Variants in OTUB2 observed in about 807,000 individuals in gnomAD.
The protein encoded by OTUB2 is OTU deubiquitinase, ubiquitin aldehyde binding 2.
Under a neutral mutation model 25.1 loss-of-function variants are expected in OTUB2, and 21 were observed. The ratio of observed to expected loss-of-function variants is 0.84; its 90% CI spans 0.59 to 1.21. The LOEUF (loss-of-function observed/expected upper bound fraction) is 1.21. OTUB2 is among the 50% of genes most tolerant of loss of function. OTUB2 has a pLI of 0.00. For synonymous variants in OTUB2, 122 were observed against 122.8 expected (o/e 0.99, Z 0.04); for missense variants, 283 against 298.0 (o/e 0.95, Z 0.37).
rs1460794684 is a variant in OTUB2 at position 94,046,336 on chromosome 14, TA to T, written c.*416del. 1 of 252,136 alleles carries T rather than the reference TA, an allele frequency of 4.0e-6. No homozygotes were observed. The highest frequency in any genetic ancestry group is 7.8e-6 in the Non-Finnish European group (1 of 128,574). 15.6% of individuals were successfully genotyped at this position (252,136 alleles called of 1,614,324 possible). A position where few individuals can be genotyped will look rare whatever the true frequency, so the allele number is the denominator to read the frequency against. ...AGGAAAAGCTCAAGGTTAGCTGTCT[TA>T]ACCCAAGTGACTTACCAGGCCTACA... On this transcript the variant is annotated 3_prime_UTR_variant, in exon 6 of 6. Transcript: ENST00000203664.
intron 3 of OTUB2, among the ~76,000 whole-genome samples, chr14:94,042,498 A>AG (rs201194492): frequency 0.034 from 1,621 of 48,314 alleles, 25 homozygotes; most frequent in African/African-American, 0.11. Flanking sequence ...TGGGGGTGGG[A>AG]GGGGGGGCAG....
chr14:94,038,681 C>T (rs1282916690), intron 2 of OTUB2, among the ~76,000 whole-genome samples: 1 of 152,194 alleles, frequency 6.6e-6, no homozygotes, highest in African/African-American at 2.4e-5. Flanking sequence ...CCCCGTGGCA[C>T]CCAGCCAGGC....
chr14:94,027,198 C>A (rs1186112792), intron 1 of OTUB2, among the ~76,000 whole-genome samples: 1 of 152,254 alleles, frequency 6.6e-6, no homozygotes. Context: ...GCCAGGCTAA[C>A]CCTGGGCTTG....
chr14:94,041,625 C>A (rs1448426282), intron 3 of OTUB2, among the ~76,000 whole-genome samples: 1 of 152,120 alleles, frequency 6.6e-6, no homozygotes, highest in East Asian at 1.9e-4. Flanking sequence ...CCTCTAGGAG[C>A]AGTGGAAACC....
At chr14:94,037,662 A>C (rs144569264) in intron 2 of OTUB2, among the ~76,000 whole-genome samples, 187 bp downstream of exon 2, 1 of 140,322 alleles carries the variant, frequency 7.1e-6, no homozygotes, top group Non-Finnish European at 1.6e-5. Flanking sequence ...AAAAAAAAAA[A>C]GGATTTTTTT....
Position 94,048,849 on chromosome 14 carries a change from C to T in OTUB2, c.*2927C>T, listed in dbSNP as rs913888664. 1.3e-5 allele frequency: 2 copies of T among 152,238 alleles called. No individual in the cohort carries two copies. Among genetic ancestry groups the T allele is most frequent in the Non-Finnish European group, 2.9e-5 (2 of 68,070 alleles). The allele number at this position is 152,238 out of a possible 1,614,324, so 9.4% of individuals were successfully genotyped here. A position where few individuals can be genotyped will look rare whatever the true frequency, so the allele number is the denominator to read the frequency against. On this transcript the variant is annotated 3_prime_UTR_variant, in exon 6 of 6. Coordinates refer to ENST00000203664, the MANE Select transcript of OTUB2 (RefSeq NM_023112.4). ...TGAGTGGCTTCCAGGGGCCCCAGGCCCTGCTGGATGTGGGCCAAGCCCTAC... is the reference window on the plus strand; with the variant it reads ...TGAGTGGCTTCCAGGGGCCCCAGGCTCTGCTGGATGTGGGCCAAGCCCTAC...
Position 94,026,484 on chromosome 14 carries a change from C to G in OTUB2, c.-54C>G. The G allele has an allele frequency of 7.5e-7, 1 of 1,326,842 alleles. No homozygotes were observed. The highest frequency in any genetic ancestry group is 9.7e-7 in the Non-Finnish European group (1 of 1,032,814). The allele number at this position is 1,326,842 out of a possible 1,614,324, so 82.2% of individuals were successfully genotyped here. A position where few individuals can be genotyped will look rare whatever the true frequency, so the allele number is the denominator to read the frequency against. ...CCGCCCGCGCCTCCCGCGGCATTCC[C>G]GCACCGGATCGCTCCTCGCTGGGGC... On this transcript the variant is annotated 5_prime_UTR_variant, in exon 1 of 6. Coordinates refer to ENST00000203664, the MANE Select transcript of OTUB2 (RefSeq NM_023112.4).
Position 94,046,520 on chromosome 14 carries a change from T to C in OTUB2, c.*598T>C, listed in dbSNP as rs570341495. Reference sequence around the variant, plus strand: ...GAAAAAAAAAAAGACTTCCTTTTTTTGCCAAAGTCCAGAAAGGGGCCTTTA... The same window carrying C: ...GAAAAAAAAAAAGACTTCCTTTTTTCGCCAAAGTCCAGAAAGGGGCCTTTA... On this transcript the variant is annotated 3_prime_UTR_variant, in exon 6 of 6. Transcript: ENST00000203664. 6.5e-6 allele frequency: 1 copy of C among 153,752 alleles called. No individual in the cohort carries two copies. Among genetic ancestry groups the C allele is most frequent in the South Asian group, 2.1e-4 (1 of 4,866 alleles). 9.5% of individuals were successfully genotyped at this position (153,752 alleles called of 1,614,324 possible).
chr14:94,044,485 T>G, intron 4 of OTUB2, 101 bp from the exon 5 acceptor site: 3 of 1,192,708 alleles, frequency 2.5e-6, no homozygotes, highest in Non-Finnish European at 3.5e-6. Flanking sequence ...CAAATGAAAA[T>G]GCACGTGAGG....
intron 1 of OTUB2, among the ~76,000 whole-genome samples, chr14:94,033,680 G>C (rs1885000288): frequency 6.6e-6 from 1 of 152,196 alleles, no homozygotes; most frequent in African/African-American, 2.4e-5. Flanking sequence ...ATAAATAACG[G>C]GACTTTGGAA....
In OTUB2 at chr14:94,046,495, G is replaced by GAA; in HGVS notation, c.*583_*584dup. The GAA allele has an allele frequency of 6.9e-6, 1 of 145,090 alleles. No homozygotes were observed. Among genetic ancestry groups the GAA allele is most frequent in the Non-Finnish European group, 1.5e-5 (1 of 65,790 alleles). The allele number at this position is 145,090 out of a possible 1,614,324, so 9.0% of individuals were successfully genotyped here. A position where few individuals can be genotyped will look rare whatever the true frequency, so the allele number is the denominator to read the frequency against. On this transcript the variant is annotated 3_prime_UTR_variant, in exon 6 of 6. Transcript: ENST00000203664. ...TATTTTCCTACCCCTAACTTAAGGA[G>GAA]AAAAAAAAAAAGACTTCCTTTTTTT...
chr14:94,034,386 GTGTGGAA>G (rs1162684349), intron 1 of OTUB2, among the ~76,000 whole-genome samples: 1 of 152,194 alleles, frequency 6.6e-6, no homozygotes, highest in African/African-American at 2.4e-5. Flanking sequence ...AGGCTGCCCT[GTGTGGAA>G]TGTTCCTTTG....
intron 1 of OTUB2, among the ~76,000 whole-genome samples, chr14:94,032,059 T>G (rs995534311): frequency 3.3e-5 from 5 of 152,224 alleles, no homozygotes; most frequent in African/African-American, 9.6e-5. Flanking sequence ...TCTCTGGTCT[T>G]GCCAGGGGTG....
At position 94,039,084 on chromosome 14, in the gene OTUB2, G is replaced by T; in HGVS notation, c.218+3G>T. 6.2e-7 allele frequency: 1 copy of T among 1,612,254 alleles called. No homozygotes were observed. Among genetic ancestry groups the T allele is most frequent in the African/African-American group, 1.3e-5 (1 of 74,996 alleles). ...GGGAAGAGCAGGGAGATCTTCAAGTGAGTGCCGGGGCCCCTTGGCCTGTCA... is the reference window on the plus strand; with the variant it reads ...GGGAAGAGCAGGGAGATCTTCAAGTTAGTGCCGGGGCCCCTTGGCCTGTCA... On this transcript the variant is annotated splice_donor_region_variant and intron_variant, in intron 3 of 5. Transcript: ENST00000203664.
intron 1 of OTUB2, among the ~76,000 whole-genome samples, chr14:94,030,290 C>A (rs1374785194): frequency 1.3e-5 from 2 of 151,024 alleles, no homozygotes; most frequent in Non-Finnish European, 2.9e-5. Context: ...AGTGGAGAAG[C>A]ACTTCTGGGT....
At chr14:94,030,776 G>A (rs545943893) in intron 1 of OTUB2, among the ~76,000 whole-genome samples, 51 of 145,142 alleles carry the variant, frequency 3.5e-4, no homozygotes, top group East Asian at 1.5e-3. Flanking sequence ...GCGCGATGAC[G>A]TAATCACAAG....
At chr14:94,038,607 G>A (rs776245145) in intron 2 of OTUB2, among the ~76,000 whole-genome samples, 2 of 102,838 alleles carry the variant, frequency 1.9e-5, no homozygotes, top group African/African-American at 3.8e-5. Flanking sequence ...GCCAGCTCCC[G>A]ATTCTCAGTG....
In OTUB2 at chr14:94,046,755, G is replaced by A. The variant is rs1254697851; in HGVS notation, c.*833G>A. ...CCATCATCCCCAGCAAATCCTAGAA[G>A]TGGAGTCTGGATACTTCAAGGATAG... On this transcript the variant is annotated 3_prime_UTR_variant, in exon 6 of 6. Transcript: ENST00000203664. 1 of 152,818 alleles carries A rather than the reference G, an allele frequency of 6.5e-6. No individual in the cohort carries two copies. Among genetic ancestry groups the A allele is most frequent in the Non-Finnish European group, 1.5e-5 (1 of 68,148 alleles). The allele number at this position is 152,818 out of a possible 1,614,324, so 9.5% of individuals were successfully genotyped here.
chr14:94,034,696 T>C lies in OTUB2; in HGVS notation c.4-2684T>C, dbSNP rs116217253. Among the ~76,000 whole-genome samples, 567 of 152,322 alleles carry C rather than the reference T, an allele frequency of 3.7e-3. 6 individuals are homozygous for C. The highest frequency in any genetic ancestry group is 0.013 in the African/African-American group (553 of 41,556). On this transcript the variant is annotated intron_variant, in intron 1 of 5. Transcript: ENST00000203664. Reference sequence around the variant, plus strand: ...GACCTCTTGGGCCTAGGGTAGCAGATTGCCAGATCATCTTCCATGTGTTGA... The same window carrying C: ...GACCTCTTGGGCCTAGGGTAGCAGACTGCCAGATCATCTTCCATGTGTTGA...
Sources: gnomAD v4.1 joint callset for allele counts (sites outside exome capture counted in the v4.1 genomes callset) on GRCh38, gnomAD v4.1.1 for gene constraint, MANE v1.5 for transcripts, NCBI Gene and HGNC (gene_info 2026-07-23, HGNC 2026-07-21) for gene names.